Variants in MAP4 observed in about 807,000 individuals in gnomAD.
The protein encoded by MAP4 is microtubule-associated protein 4.
MAP4 carries 76 observed loss-of-function variants against 170.2 expected under a neutral mutation model. The observed-to-expected ratio is 0.45, with a 90% CI of 0.37 to 0.54. The LOEUF is 0.54. MAP4 is among the 20% of genes least tolerant of loss of function. MAP4 has a pLI of 0.00. For missense variants in MAP4, 2,506 were observed against 2,748.0 expected, an observed-to-expected ratio of 0.91 and a Z score of 1.97; for synonymous variants, 909 against 994.5, an observed-to-expected ratio of 0.91 and a Z score of 1.62.
intron 4 of MAP4, among the ~76,000 whole-genome samples, chr3:47,927,067 GAGA>G: frequency 6.6e-6 from 1 of 151,172 alleles, no homozygotes. Flanking sequence ...GCTGAGGCAG[GAGA>G]ATCGCTTGAA....
chr3:48,049,600 CAG>C (rs2100126477), intron 1 of MAP4, among the ~76,000 whole-genome samples: 1 of 151,738 alleles, frequency 6.6e-6, no homozygotes, highest in Non-Finnish European at 1.5e-5. Flanking sequence ...GCCAGGGTAA[CAG>C]AGTGAGACCA....
intron 3 of MAP4, among the ~76,000 whole-genome samples, chr3:47,950,196 G>A (rs2100062802): frequency 6.6e-6 from 1 of 152,198 alleles, no homozygotes; most frequent in Non-Finnish European, 1.5e-5. Context: ...ACATCTTTCA[G>A]AGTTCTCTTT....
At position 47,909,783 on chromosome 3, in the gene MAP4, C is replaced by T. The variant is rs770721726; in HGVS notation, c.4638G>A (p.Gly1546=). The part of the protein sequence containing the change: ...SMKNEAGIDE[G]HVIGESESVH... ...CTGACTCAGATTCTCCTATCACATG[C>T]CCTTCATCGATCCCTGCTTCATTTT... Residue 1546 remains glycine, a synonymous_variant, in exon 9 of 21, where the codon GGG becomes GGA. Transcript: ENST00000683076. 4 of 1,614,020 alleles carry T rather than the reference C, an allele frequency of 2.5e-6. No individual in the cohort carries two copies. The South Asian group carries it at 3.3e-5, about 13-fold the overall frequency.
intron 10 of MAP4, among the ~76,000 whole-genome samples, chr3:47,894,884 G>A (rs1475452040): frequency 6.6e-6 from 1 of 151,944 alleles, no homozygotes; most frequent in East Asian, 1.9e-4. Context: ...AAATTTAGGT[G>A]GGCATGGTGA....
intron 1 of MAP4, among the ~76,000 whole-genome samples, chr3:48,056,764 G>C (rs1165991824): frequency 1.1e-4 from 6 of 56,860 alleles, no homozygotes; most frequent in Admixed American, 1.3e-4. Flanking sequence ...CCCTCTGCCC[G>C]GCCAGCCGCC....
intron 1 of MAP4, among the ~76,000 whole-genome samples, chr3:48,011,802 G>A (rs1244068323): frequency 5.3e-5 from 8 of 151,972 alleles, no homozygotes; most frequent in Admixed American, 6.6e-5. Flanking sequence ...TTTACTATTC[G>A]GTTATGCCAT....
intron 8 of MAP4, 85 bp downstream of exon 8, chr3:47,914,732 A>G (rs1417773778): frequency 1.5e-5 from 23 of 1,509,866 alleles, no homozygotes; most frequent in Non-Finnish European, 2.1e-5. Flanking sequence ...CCACCATACA[A>G]CAGGGAACTA....
At chr3:47,937,294 A>G (rs927481850) in intron 3 of MAP4, among the ~76,000 whole-genome samples, 1 of 152,202 alleles carries the variant, frequency 6.6e-6, no homozygotes, top group African/African-American at 2.4e-5. Flanking sequence ...AGTACTCATT[A>G]CTTGTCTAAG....
intron 3 of MAP4, among the ~76,000 whole-genome samples, chr3:47,967,555 G>T (rs970527726): frequency 6.6e-6 from 1 of 152,060 alleles, no homozygotes; most frequent in African/African-American, 2.4e-5. Context: ...GGCAGGGTGA[G>T]GCAAGAGAAT....
intron 3 of MAP4, among the ~76,000 whole-genome samples, chr3:47,953,508 T>C (rs2154121317): frequency 1.3e-5 from 2 of 152,172 alleles, no homozygotes; most frequent in South Asian, 4.1e-4. Context: ...AGTGACCGAG[T>C]GAGAGCCTGT....
chr3:47,940,308 C>T (rs1194354352), intron 3 of MAP4, among the ~76,000 whole-genome samples: 1 of 152,174 alleles, frequency 6.6e-6, no homozygotes, highest in Non-Finnish European at 1.5e-5. Flanking sequence ...TTATTCAATA[C>T]TGCTGACCTA....
chr3:48,048,692 A>AT (rs1559853986), intron 1 of MAP4, among the ~76,000 whole-genome samples: 1 of 151,344 alleles, frequency 6.6e-6, no homozygotes, highest in Non-Finnish European at 1.5e-5. Flanking sequence ...AATTTTTTAA[A>AT]TTTTTTTGTA....
chr3:47,905,494 A>G (rs1422487276), intron 9 of MAP4, among the ~76,000 whole-genome samples: 1 of 151,838 alleles, frequency 6.6e-6, no homozygotes, highest in Non-Finnish European at 1.5e-5. Flanking sequence ...ATGACCAAGT[A>G]ACCCTGCCTC....
intron 1 of MAP4, among the ~76,000 whole-genome samples, chr3:48,047,773 A>G (rs2100125368): frequency 6.6e-6 from 1 of 152,184 alleles, no homozygotes; most frequent in Admixed American, 6.5e-5. Context: ...TTTTCACAAA[A>G]TTCACTTTCG....
At chr3:47,918,685 C>G in intron 6 of MAP4, 34 bp downstream of exon 6, 1 of 1,553,666 alleles carries the variant, frequency 6.4e-7, no homozygotes, top group Non-Finnish European at 8.9e-7. Context: ...ATACTGCAAC[C>G]ATTAACTGAT....
intron 10 of MAP4, among the ~76,000 whole-genome samples, chr3:47,885,099 G>GT (rs1223770772): frequency 2.0e-5 from 3 of 151,798 alleles, no homozygotes; most frequent in Non-Finnish European, 2.9e-5. Flanking sequence ...TTTCTTTCTT[G>GT]TTTTTTTGGC....
chr3:48,021,637 C>G (rs146288876), intron 1 of MAP4, among the ~76,000 whole-genome samples: 1 of 152,222 alleles, frequency 6.6e-6, no homozygotes, highest in Non-Finnish European at 1.5e-5. Flanking sequence ...TGAGACACCA[C>G]GCCCGGCCTA....
rs113274037 is a variant in MAP4 at position 47,917,071 on chromosome 3, T to C, written c.756A>G (p.Pro252=). Residue 252 remains proline, a synonymous_variant, in exon 7 of 21, where the codon CCA becomes CCG. Transcript: ENST00000683076. ...CGAGGGCCATCTCTGTTTCTTTAGA[T>C]GGTGCCATGTCAGTAGTCTTCAGTC... ...MMGLKTTDMA[P]SKETEMALAK... is the part of the protein sequence containing the mutation. 3 of 1,614,232 alleles carry C rather than the reference T, an allele frequency of 1.9e-6. No homozygotes were observed. The highest frequency in any genetic ancestry group is 2.2e-5 in the East Asian group (1 of 44,884).
intron 3 of MAP4, among the ~76,000 whole-genome samples, chr3:47,955,613 G>A (rs150000847): frequency 6.6e-6 from 1 of 152,250 alleles, no homozygotes; most frequent in Non-Finnish European, 1.5e-5. Context: ...GAGACCCACT[G>A]CAGCAATGAA....
Sources: gnomAD v4.1 joint callset for allele counts (sites outside exome capture counted in the v4.1 genomes callset) on GRCh38, gnomAD v4.1.1 for gene constraint, MANE v1.5 for transcripts, NCBI Gene and HGNC (gene_info 2026-07-23, HGNC 2026-07-21) for gene names.